INHBA: variants seen among roughly 807,000 people sequenced by gnomAD.
The protein encoded by INHBA is inhibin beta A chain.
In INHBA, 1 loss-of-function variant was observed where a neutral mutation model predicts 29.0. That is an observed-to-expected ratio of 0.03 (90% CI 0.01 to 0.16). The LOEUF (loss-of-function observed/expected upper bound fraction) is 0.16, where lower values mean the gene tolerates loss of function less well. Ranked by LOEUF, INHBA falls within the 10% of genes least tolerant of loss-of-function variation. The pLI is 1.00. For missense variants in INHBA, 376 were observed against 545.4 expected (o/e 0.69, Z 3.09); for synonymous variants, 242 against 216.8 (o/e 1.12, Z -1.02).
chr7:41,689,748 T>G lies in INHBA; in HGVS notation c.1183A>C (p.Lys395Gln), dbSNP rs1794458780. 6.2e-7 allele frequency: 1 copy of G among 1,613,904 alleles called. No homozygotes were observed. The highest frequency in any genetic ancestry group is 8.5e-7 in the Non-Finnish European group (1 of 1,180,014). ...ANLKSCCVPT[K>Q]LRPMSMLYYD... The stretch of plus-strand genomic sequence containing the variant: ...TACAACATGGACATGGGTCTCAGCT[T>G]GGTGGGCACACAGCACGATTTGAGG... The change falls in exon 3 of 3, where the codon AAG (lysine) becomes CAG (glutamine). Residue 395 changes from lysine (K) to glutamine (Q), a missense_variant. This residue lies in a region of INHBA where 50 missense variants were observed against 137.9 expected (regional missense o/e 0.36). Transcript: ENST00000242208.
intron 2 of INHBA, chr7:41,692,282 C>T (rs1794540986): frequency 6.6e-6 from 1 of 152,104 alleles, no homozygotes; most frequent in Non-Finnish European, 1.5e-5. Context: ...TCAAGAAGTT[C>T]ATCTTAGAAC....
intron 2 of INHBA, 24 bp downstream of exon 2, chr7:41,699,962 AC>A (rs1794738513): frequency 7.0e-6 from 1 of 142,930 alleles, no homozygotes; most frequent in South Asian, 7.5e-5. Context: ...ACCCCTCCCC[AC>A]CCCCTGCCAA....
intron 2 of INHBA, chr7:41,693,968 T>C (rs1020074950): frequency 2.0e-5 from 3 of 152,230 alleles, no homozygotes; most frequent in Non-Finnish European, 4.4e-5. Flanking sequence ...TATTGCATGA[T>C]ATTTTATCAG....
chr7:41,704,188 G>T (rs1794859451), upstream of INHBA, among the ~76,000 whole-genome samples: 1 of 152,154 alleles, frequency 6.6e-6, no homozygotes, highest in Non-Finnish European at 1.5e-5. Flanking sequence ...AAATATAGAG[G>T]CTCTGGCCTC....
At chr7:41,703,531 G>C (rs896200192), upstream of INHBA, among the ~76,000 whole-genome samples, 2 of 151,756 alleles carry the variant, frequency 1.3e-5, no homozygotes, top group Admixed American at 6.6e-5. Flanking sequence ...TTCTTTATAG[G>C]GATTCTAATT....
In INHBA at chr7:41,690,391, C is replaced by T; in HGVS notation, c.540G>A (p.Lys180=). Residue 180 remains lysine (K), a synonymous_variant, in exon 3 of 3, where the codon AAG becomes AAA. Transcript: ENST00000242208. ...KVTIRLFQQQ[K]HPQGSLDTGE... ...CTGTGTCCAAGCTGCCCTGCGGGTG[C>T]TTCTGCTGCTGGAAGAGGCGGATGG... 6.2e-7 allele frequency: 1 copy of T among 1,614,134 alleles called. No homozygotes were observed. Among genetic ancestry groups the T allele is most frequent in the Non-Finnish European group, 8.5e-7 (1 of 1,180,028 alleles).
chr7:41,700,461 A>ATTTTT lies in INHBA; in HGVS notation c.-92_-88dup. Reference sequence around the variant, plus strand: ...CGCGCAGGTTTTTTTGTGTGTGTGGATTTTTTTATTTTTTTTTTTGGTGTT... The same window carrying ATTTTT: ...CGCGCAGGTTTTTTTGTGTGTGTGGATTTTTTTTTTTTATTTTTTTTTTTGGTGTT... On this transcript the variant is annotated 5_prime_UTR_variant, in exon 2 of 3. Coordinates refer to ENST00000242208, the MANE Select transcript of INHBA (RefSeq NM_002192.4). 8.8e-7 allele frequency: 1 copy of ATTTTT among 1,134,580 alleles called. No individual in the cohort carries two copies. Among genetic ancestry groups the ATTTTT allele is most frequent in the Admixed American group, 2.9e-5 (1 of 34,874 alleles). 70.3% of individuals were successfully genotyped at this position (1,134,580 alleles called of 1,614,324 possible).
chr7:41,702,820 T>G (rs1794824840), intron 1 of INHBA, among the ~76,000 whole-genome samples, 185 bp downstream of exon 1: 1 of 152,228 alleles, frequency 6.6e-6, no homozygotes, highest in Non-Finnish European at 1.5e-5. Context: ...CTGAGTGGCT[T>G]GTATAAACAT....
chr7:41,689,384 G>T lies in INHBA; in HGVS notation c.*266C>A. 1 of 423,006 alleles carries T rather than the reference G, an allele frequency of 2.4e-6. No individual in the cohort carries two copies. The highest frequency in any genetic ancestry group is 4.2e-6 in the Non-Finnish European group (1 of 239,808). 26.2% of individuals were successfully genotyped at this position (423,006 alleles called of 1,614,324 possible). A position where few individuals can be genotyped will look rare whatever the true frequency, so the allele number is the denominator to read the frequency against. ...TCAGTGTGATTTCAGAAGAAATAAAGGGTACACCATTCTCCCTTTCCCTCC... is the reference window on the plus strand; with the variant it reads ...TCAGTGTGATTTCAGAAGAAATAAATGGTACACCATTCTCCCTTTCCCTCC... On this transcript the variant is annotated 3_prime_UTR_variant, in exon 3 of 3. Coordinates refer to ENST00000242208, the MANE Select transcript of INHBA (RefSeq NM_002192.4).
At position 41,687,873 on chromosome 7, in the gene INHBA, A is replaced by G. The variant is rs764908944; in HGVS notation, c.*1777T>C. Reference sequence around the variant, plus strand: ...CTTCTGATTTAAGATTGATTCCAATAGACACTAAGTTGGAAAAACATCAGC... The same window carrying G: ...CTTCTGATTTAAGATTGATTCCAATGGACACTAAGTTGGAAAAACATCAGC... On this transcript the variant is annotated 3_prime_UTR_variant, in exon 3 of 3. Coordinates refer to ENST00000242208, the MANE Select transcript of INHBA (RefSeq NM_002192.4). 5.9e-5 allele frequency: 9 copies of G among 152,242 alleles called. No individual in the cohort carries two copies. Among genetic ancestry groups the G allele is most frequent in the Non-Finnish European group, 1.0e-4 (7 of 68,038 alleles). 9.4% of individuals were successfully genotyped at this position (152,242 alleles called of 1,614,324 possible). A position where few individuals can be genotyped will look rare whatever the true frequency, so the allele number is the denominator to read the frequency against.
At position 41,699,272 on chromosome 7, in the gene INHBA, A is replaced by C. The variant is rs1794717852; in HGVS notation, c.388+715T>G. Among the ~76,000 whole-genome samples the C allele has an allele frequency of 2.0e-5, 3 of 152,210 alleles. No individual in the cohort carries two copies. In the South Asian group the frequency reaches 6.2e-4, roughly 32 times the overall value. ...GCTCTTAGTAACTTTAGAAAGAACA[A>C]AACTGGTTGTTTTATTTATTTTTTT... On this transcript the variant is annotated intron_variant, in intron 2 of 2. Transcript: ENST00000242208.
chr7:41,701,692 T>C (rs1440287669), intron 1 of INHBA, among the ~76,000 whole-genome samples: 1 of 152,218 alleles, frequency 6.6e-6, no homozygotes, highest in East Asian at 1.9e-4. Flanking sequence ...TCTTGGCCTT[T>C]CCCACATCCT....
intron 2 of INHBA, chr7:41,692,370 C>T (rs1794543019): frequency 6.6e-6 from 1 of 152,132 alleles, no homozygotes; most frequent in Non-Finnish European, 1.5e-5. Context: ...CACTCGAGGC[C>T]CTGAGATGTT....
chr7:41,689,735 A>T lies in INHBA; in HGVS notation c.1196T>A (p.Met399Lys). ...ACCATCATCATAGTACAACATGGAC[A>T]TGGGTCTCAGCTTGGTGGGCACACA... is the stretch of plus-strand genomic sequence containing the variant. ...SCCVPTKLRP[M>K]SMLYYDDGQN... Residue 399 changes from methionine to lysine, a missense_variant, in exon 3 of 3, where the codon ATG (methionine) becomes AAG (lysine). By Grantham distance (95) the Met-to-Lys change is moderately conservative. Transcript: ENST00000242208. 6.2e-7 allele frequency: 1 copy of T among 1,614,018 alleles called. No homozygotes were observed. Among genetic ancestry groups the T allele is most frequent in the East Asian group, 2.2e-5 (1 of 44,846 alleles).
At chr7:41,703,368 T>A (rs1253027903), upstream of INHBA, among the ~76,000 whole-genome samples, 3 of 152,168 alleles carry the variant, frequency 2.0e-5, no homozygotes, top group Non-Finnish European at 4.4e-5. Flanking sequence ...TCTCAATGAG[T>A]GTGTCCAACT....
chr7:41,686,143 T>C lies in INHBA; in HGVS notation c.*3507A>G, dbSNP rs1583588378. 6.6e-6 allele frequency: 1 copy of C among 152,246 alleles called. No homozygotes were observed. The highest frequency in any genetic ancestry group is 1.9e-4 in the East Asian group (1 of 5,186). 9.4% of individuals were successfully genotyped at this position (152,246 alleles called of 1,614,324 possible). A position where few individuals can be genotyped will look rare whatever the true frequency, so the allele number is the denominator to read the frequency against. ...TTCTCCTTGAAAACGGAGTATGGAA[T>C]CAATCTTAAATAAATATGAAATTGG... On this transcript the variant is annotated 3_prime_UTR_variant, in exon 3 of 3. Coordinates refer to ENST00000242208, the MANE Select transcript of INHBA (RefSeq NM_002192.4).
chr7:41,702,752 T>G (rs1794823684), intron 1 of INHBA, among the ~76,000 whole-genome samples: 1 of 152,214 alleles, frequency 6.6e-6, no homozygotes, highest in African/African-American at 2.4e-5. Flanking sequence ...ATTTACTGTT[T>G]GCGAATGTAA....
At chr7:41,693,448 C>G (rs980429149) in intron 2 of INHBA, among the ~76,000 whole-genome samples, 1 of 152,184 alleles carries the variant, frequency 6.6e-6, no homozygotes, top group Non-Finnish European at 1.5e-5. Flanking sequence ...GAATTAGGGA[C>G]AGCCGTGTGC....
At chr7:41,695,932 T>C (rs1347684648) in intron 2 of INHBA, among the ~76,000 whole-genome samples, 3 of 152,136 alleles carry the variant, frequency 2.0e-5, no homozygotes, top group South Asian at 2.1e-4. Flanking sequence ...TGGGAAGGTA[T>C]TACTGCAGTT....
Sources: allele counts gnomAD v4.1 joint callset (sites outside exome capture counted in the v4.1 genomes callset), GRCh38; gene constraint gnomAD v4.1.1; regional missense constraint gnomAD v4.1.1; transcripts MANE v1.5; gene names NCBI Gene and HGNC (gene_info 2026-07-23, HGNC 2026-07-21).